The following PIK3C2G variants were observed in gnomAD, a reference collection of about 807,000 sequenced individuals.
PIK3C2G encodes phosphatidylinositol 3-kinase C2 domain-containing subunit gamma.
A neutral mutation model predicts 181.1 loss-of-function variants in PIK3C2G; 168 were observed. The observed-to-expected ratio is 0.93, with a 90% CI of 0.82 to 1.05. The LOEUF is 1.05. Among genes scored for constraint, PIK3C2G ranks in the 50% least tolerant of loss-of-function variants. The pLI is 0.00. For missense variants in PIK3C2G, 1,869 were observed against 1,732.8 expected (o/e 1.08, Z -1.40); for synonymous variants, 573 against 592.2 (o/e 0.97, Z 0.47).
the PIK3C2G span, chr12:18,692,988 T>C: frequency 1.2e-5 from 16 of 1,383,168 alleles, no homozygotes; most frequent in African/African-American, 1.4e-4. Flanking sequence ...AATTAAAGAC[T>C]ATCTTCTCAT....
chr12:18,557,115 A>C (rs1396918094), intron 26 of PIK3C2G, among the ~76,000 whole-genome samples: 1 of 152,190 alleles, frequency 6.6e-6, no homozygotes, highest in African/African-American at 2.4e-5. Flanking sequence ...GGAAAGTTTT[A>C]GTACACTCAG....
At chr12:18,537,698 T>G (rs1179959659) in intron 24 of PIK3C2G, among the ~76,000 whole-genome samples, 5 of 152,008 alleles carry the variant, frequency 3.3e-5, no homozygotes, top group Admixed American at 6.6e-5. Flanking sequence ...TCTGCTTGCT[T>G]CTTAGCTTTT....
chr12:18,245,477 C>T (rs1203273405), upstream of PIK3C2G, among the ~76,000 whole-genome samples: 1 of 135,002 alleles, frequency 7.4e-6, no homozygotes, highest in Non-Finnish European at 1.6e-5. Context: ...TTAAAAATTA[C>T]CCAAGAGTGA....
chr12:18,303,139 T>TTTCTTTTCTTTCTTTC (rs71302109), intron 5 of PIK3C2G, among the ~76,000 whole-genome samples: 1 of 128,660 alleles, frequency 7.8e-6, no homozygotes, highest in Non-Finnish European at 1.6e-5. Context: ...TCTTTCTTTC[T>TTTCTTTTCTTTCTTTC]TTTCTTTTCT....
downstream of PIK3C2G, among the ~76,000 whole-genome samples, chr12:18,649,696 T>C (rs764141422): frequency 2.0e-5 from 3 of 152,200 alleles, no homozygotes; most frequent in Non-Finnish European, 4.4e-5. Context: ...AAAATCACTG[T>C]TGACCTCCAA....
At position 18,473,230 on chromosome 12, in the gene PIK3C2G, A is replaced by G. The variant is rs183243519; in HGVS notation, c.2505-15219A>G. Among the ~76,000 whole-genome samples the G allele has an allele frequency of 2.1e-4, 32 of 152,308 alleles. No homozygotes were observed. The East Asian group carries it at 5.2e-3, about 25-fold the overall frequency. On this transcript the variant is annotated intron_variant, in intron 18 of 32. Coordinates refer to ENST00000538779, the MANE Select transcript of PIK3C2G (RefSeq NM_001288772.2). Reference sequence around the variant, plus strand: ...GAAACTTCTAAACTAGATTATTTCCATAGATCTTTCCAGAGTCCAGGTCTG... The same window carrying G: ...GAAACTTCTAAACTAGATTATTTCCGTAGATCTTTCCAGAGTCCAGGTCTG...
At chr12:18,389,054 T>A (rs1190659648) in intron 14 of PIK3C2G, among the ~76,000 whole-genome samples, 1 of 152,170 alleles carries the variant, frequency 6.6e-6, no homozygotes, top group Non-Finnish European at 1.5e-5. Context: ...GAAGCGTTCC[T>A]TTCAAAAGAA....
chr12:18,363,127 T>C (rs1005537386), intron 12 of PIK3C2G: 5 of 309,662 alleles, frequency 1.6e-5, no homozygotes, highest in South Asian at 6.2e-5. Flanking sequence ...AAAAGGGAAA[T>C]TGAAAAAAGA....
chr12:18,398,597 C>G (rs111341057), intron 15 of PIK3C2G, among the ~76,000 whole-genome samples: 10 of 152,250 alleles, frequency 6.6e-5, no homozygotes, highest in African/African-American at 2.4e-4. Flanking sequence ...AAGCTGTCCT[C>G]CAATTGAACT....
At chr12:18,628,532 A>T in intron 31 of PIK3C2G, among the ~76,000 whole-genome samples, 1 of 152,334 alleles carries the variant, frequency 6.6e-6, no homozygotes, top group South Asian at 2.1e-4. Context: ...GGTATATTTA[A>T]TTATTCATGT....
intron 26 of PIK3C2G, among the ~76,000 whole-genome samples, chr12:18,561,557 A>G (rs1945345083): frequency 6.6e-6 from 1 of 152,210 alleles, no homozygotes; most frequent in Admixed American, 6.5e-5. Context: ...TTATGGTATT[A>G]ACTGAGTTTA....
intron 12 of PIK3C2G, among the ~76,000 whole-genome samples, chr12:18,367,557 T>G (rs1448957359): frequency 6.6e-6 from 1 of 152,090 alleles, no homozygotes; most frequent in African/African-American, 2.4e-5. Context: ...TTATTTTTAT[T>G]TATTTATTTT....
intron 15 of PIK3C2G, among the ~76,000 whole-genome samples, chr12:18,397,909 A>C (rs914490005): frequency 2.0e-5 from 3 of 152,142 alleles, no homozygotes; most frequent in Admixed American, 6.6e-5. Context: ...AAATTATGGC[A>C]TAGTTATACA....
chr12:18,373,159 C>T (rs752290740), intron 13 of PIK3C2G, among the ~76,000 whole-genome samples: 62 of 152,304 alleles, frequency 4.1e-4, no homozygotes, highest in Non-Finnish European at 5.9e-4. Flanking sequence ...CCACTTTGTT[C>T]GTTGCTTCAA....
At chr12:18,512,583 A>T (rs923050678) in intron 24 of PIK3C2G, among the ~76,000 whole-genome samples, 1 of 151,576 alleles carries the variant, frequency 6.6e-6, no homozygotes, top group Non-Finnish European at 1.5e-5. Context: ...GATTTTCTTA[A>T]TTTTTTTCCA....
chr12:18,653,419 A>G, the PIK3C2G span, among the ~76,000 whole-genome samples: 1 of 152,208 alleles, frequency 6.6e-6, no homozygotes, highest in Non-Finnish European at 1.5e-5. Context: ...CTCTCAATGC[A>G]ATGGGCTTCT....
intron 16 of PIK3C2G, among the ~76,000 whole-genome samples, chr12:18,404,298 G>A (rs934931678): frequency 7.9e-5 from 12 of 152,124 alleles, no homozygotes; most frequent in Non-Finnish European, 1.2e-4. Context: ...GAATGATGGT[G>A]TATCTTTTCC....
At chr12:18,446,294 A>T (rs1465135236) in intron 18 of PIK3C2G, among the ~76,000 whole-genome samples, 2 of 152,166 alleles carry the variant, frequency 1.3e-5, no homozygotes, top group South Asian at 2.1e-4. Flanking sequence ...TCCGTGGACA[A>T]CATTCAGAGT....
intron 29 of PIK3C2G, 101 bp from the exon 30 acceptor site, chr12:18,594,393 T>C (rs942267788): frequency 2.6e-5 from 16 of 625,676 alleles, no homozygotes; most frequent in Non-Finnish European, 4.4e-5. Flanking sequence ...CTATAACAGG[T>C]ATCTATTTTA....
Sources: allele counts gnomAD v4.1 joint callset (sites outside exome capture counted in the v4.1 genomes callset), GRCh38; gene constraint gnomAD v4.1.1; transcripts MANE v1.5; gene names NCBI Gene and HGNC (gene_info 2026-07-23, HGNC 2026-07-21).